KHDRBS2: variants seen among roughly 807,000 people sequenced by gnomAD.
KHDRBS2 encodes the protein KH domain-containing, RNA-binding, signal transduction-associated protein 2.
A neutral mutation model predicts 44.3 loss-of-function variants in KHDRBS2; 26 were observed. The observed-to-expected ratio is 0.59, with a 90% CI of 0.43 to 0.81. The LOEUF (loss-of-function observed/expected upper bound fraction) is 0.81. Among genes scored for constraint, KHDRBS2 ranks in the 40% least tolerant of loss-of-function variants. The pLI, the probability that KHDRBS2 is intolerant of heterozygous loss-of-function variation, is 0.00. For synonymous variants in KHDRBS2, 194 were observed against 151.1 expected, an observed-to-expected ratio of 1.28 and a Z score of -2.08; for missense variants, 476 against 433.1, an observed-to-expected ratio of 1.10 and a Z score of -0.88.
At chr6:61,876,141 T>TAC (rs1799379848) in intron 6 of KHDRBS2, among the ~76,000 whole-genome samples, 1 of 152,080 alleles carries the variant, frequency 6.6e-6, no homozygotes, top group South Asian at 2.1e-4. Flanking sequence ...TCCAAACCAT[T>TAC]ACCTTGAAAT....
chr6:61,675,251 C>A (rs1188357414), downstream of KHDRBS2, among the ~76,000 whole-genome samples: 1 of 151,664 alleles, frequency 6.6e-6, no homozygotes, highest in Non-Finnish European at 1.5e-5. Flanking sequence ...CCTAAAAGAA[C>A]AAGAGTAATC....
chr6:62,236,475 A>G (rs1227830183), intron 1 of KHDRBS2, among the ~76,000 whole-genome samples: 1 of 151,978 alleles, frequency 6.6e-6, no homozygotes, highest in Non-Finnish European at 1.5e-5. Flanking sequence ...ATAATCTATT[A>G]GCAGAATAAT....
At chr6:62,089,788 C>G (rs1198319016) in intron 2 of KHDRBS2, among the ~76,000 whole-genome samples, 1 of 152,102 alleles carries the variant, frequency 6.6e-6, no homozygotes, top group Non-Finnish European at 1.5e-5. Context: ...TTTTCTGTAT[C>G]TATATTTTAA....
At chr6:61,786,359 T>C (rs1002755924) in intron 6 of KHDRBS2, among the ~76,000 whole-genome samples, 8 of 152,048 alleles carry the variant, frequency 5.3e-5, no homozygotes, top group African/African-American at 1.9e-4. Context: ...TTAGGGGTCA[T>C]ATTTAATCAC....
intron 6 of KHDRBS2, among the ~76,000 whole-genome samples, chr6:61,785,636 T>C (rs1202923513): frequency 6.6e-6 from 1 of 152,088 alleles, no homozygotes; most frequent in African/African-American, 2.4e-5. Flanking sequence ...TTAAATCATA[T>C]GTTCCAACCA....
At chr6:61,799,978 CATT>C (rs1313711579) in intron 6 of KHDRBS2, among the ~76,000 whole-genome samples, 4 of 152,034 alleles carry the variant, frequency 2.6e-5, no homozygotes, top group Admixed American at 2.0e-4. Context: ...CATATATACA[CATT>C]ATATGTTTGT....
At position 61,860,790 on chromosome 6, in the gene KHDRBS2, C is replaced by T. The variant is rs567229372; in HGVS notation, c.810+33845G>A. 5.3e-5 allele frequency among the ~76,000 whole-genome samples: 8 copies of T among 152,116 alleles called. No individual in the cohort carries two copies. The South Asian group carries it at 1.2e-3, about 24-fold the overall frequency. Reference sequence around the variant, plus strand: ...TTATCCCTAAGTCTTGGAGTAATTGCCACACTGTCTTTCACAATGGTTGAA... The same window carrying T: ...TTATCCCTAAGTCTTGGAGTAATTGTCACACTGTCTTTCACAATGGTTGAA... On this transcript the variant is annotated intron_variant, in intron 6 of 8. Coordinates refer to ENST00000281156, the MANE Select transcript of KHDRBS2 (RefSeq NM_152688.4).
At chr6:61,799,983 T>C (rs1398076978) in intron 6 of KHDRBS2, among the ~76,000 whole-genome samples, 2 of 152,152 alleles carry the variant, frequency 1.3e-5, no homozygotes, top group Non-Finnish European at 2.9e-5. Flanking sequence ...ATACACATTA[T>C]ATGTTTGTAT....
the KHDRBS2 span, among the ~76,000 whole-genome samples, chr6:61,596,599 G>A: frequency 1.3e-5 from 2 of 151,946 alleles, no homozygotes; most frequent in African/African-American, 4.8e-5. Flanking sequence ...ATTGCTCTAA[G>A]TAGTTGTTAA....
intron 2 of KHDRBS2, among the ~76,000 whole-genome samples, chr6:62,051,638 G>A (rs1789068893): frequency 6.6e-6 from 1 of 151,860 alleles, no homozygotes; most frequent in South Asian, 2.1e-4. Flanking sequence ...AAATAAACGG[G>A]ACTACATTAA....
intron 6 of KHDRBS2, among the ~76,000 whole-genome samples, chr6:61,861,091 T>A (rs576308402): frequency 6.6e-6 from 1 of 152,230 alleles, no homozygotes; most frequent in South Asian, 2.1e-4. Context: ...TAGTTTGAGT[T>A]CCTTATAGAT....
chr6:61,905,816 C>G (rs1422714903), intron 4 of KHDRBS2, among the ~76,000 whole-genome samples: 1 of 150,168 alleles, frequency 6.7e-6, no homozygotes, highest in African/African-American at 2.5e-5. Flanking sequence ...AGCAATGAGG[C>G]ACCTAAATGC....
At chr6:61,902,478 G>T (rs578123711) in intron 4 of KHDRBS2, among the ~76,000 whole-genome samples, 1 of 151,358 alleles carries the variant, frequency 6.6e-6, no homozygotes, top group Non-Finnish European at 1.5e-5. Context: ...ACAAGTGCCA[G>T]TATCACCTGT....
At chr6:62,001,527 AG>A (rs1778240549) in intron 3 of KHDRBS2, among the ~76,000 whole-genome samples, 1 of 152,088 alleles carries the variant, frequency 6.6e-6, no homozygotes. Context: ...GAAACTGCCC[AG>A]GGTGGAAAAA....
chr6:61,578,493 A>G, the KHDRBS2 span, among the ~76,000 whole-genome samples: 1 of 152,150 alleles, frequency 6.6e-6, no homozygotes, highest in African/African-American at 2.4e-5. Flanking sequence ...GTATCTCCAC[A>G]GCAGTAAAGC....
chr6:61,901,528 A>G (rs1376634906), intron 4 of KHDRBS2, among the ~76,000 whole-genome samples, 157 bp from the exon 5 acceptor site: 1 of 152,178 alleles, frequency 6.6e-6, no homozygotes, highest in East Asian at 1.9e-4. Flanking sequence ...GATATTAAAA[A>G]GTGTATATAC....
chr6:61,778,858 C>T (rs556564113), intron 6 of KHDRBS2, among the ~76,000 whole-genome samples: 56 of 152,264 alleles, frequency 3.7e-4, no homozygotes, highest in African/African-American at 1.1e-3. Flanking sequence ...TGATTTCAGA[C>T]GCTTAGCAAT....
chr6:61,786,766 G>T (rs1271391170), intron 6 of KHDRBS2, among the ~76,000 whole-genome samples: 2 of 151,844 alleles, frequency 1.3e-5, no homozygotes, highest in Admixed American at 1.3e-4. Context: ...GGTTCAAGGA[G>T]CAGGTGCAGT....
chr6:61,904,664 GC>G (rs1231032093), intron 4 of KHDRBS2, among the ~76,000 whole-genome samples: 1 of 152,174 alleles, frequency 6.6e-6, no homozygotes, highest in African/African-American at 2.4e-5. Flanking sequence ...CTCTAACTAT[GC>G]CTCTGGGGAT....
Sources: gnomAD v4.1 joint callset for allele counts (sites outside exome capture counted in the v4.1 genomes callset) on GRCh38, gnomAD v4.1.1 for gene constraint, MANE v1.5 for transcripts, NCBI Gene and HGNC (gene_info 2026-07-23, HGNC 2026-07-21) for gene names.